Variants in TTC8 observed in about 807,000 individuals in gnomAD.
The protein encoded by TTC8 is tetratricopeptide repeat protein 8.
Under a neutral mutation model 72.5 loss-of-function variants are expected in TTC8, and 47 were observed. The ratio of observed to expected loss-of-function variants is 0.65; its 90% confidence interval spans 0.51 to 0.83. The LOEUF (loss-of-function observed/expected upper bound fraction) is 0.83, where lower values mean the gene tolerates loss of function less well. Among genes scored for constraint, TTC8 ranks in the 40% least tolerant of loss-of-function variants. The pLI is 0.00. For missense variants in TTC8, 611 were observed against 623.2 expected (o/e 0.98, Z 0.21); for synonymous variants, 199 against 221.4 (o/e 0.90, Z 0.90).
intron 2 of TTC8, among the ~76,000 whole-genome samples, chr14:88,837,279 TCTAG>T (rs942197069): frequency 1.3e-5 from 2 of 152,168 alleles, no homozygotes; most frequent in African/African-American, 4.8e-5. Context: ...CCATAGGCTC[TCTAG>T]CTAGCCTGCC....
At chr14:88,869,755 C>T (rs1307826194) in intron 10 of TTC8, among the ~76,000 whole-genome samples, 2 of 152,174 alleles carry the variant, frequency 1.3e-5, no homozygotes, top group African/African-American at 4.8e-5. Context: ...AAAGTGGCCC[C>T]TTCCGCCACC....
intron 10 of TTC8, among the ~76,000 whole-genome samples, chr14:88,867,402 CTG>C (rs2094915077): frequency 6.6e-6 from 1 of 152,032 alleles, no homozygotes; most frequent in African/African-American, 2.4e-5. Context: ...AGTCAAGACA[CTG>C]AGAGTGAAAA....
At chr14:88,852,831 C>T (rs187127730) in intron 7 of TTC8, 140 bp from the exon 8 acceptor site, 13 of 731,312 alleles carry the variant, frequency 1.8e-5, no homozygotes, top group Middle Eastern at 3.7e-4. Context: ...CATCTGGAAA[C>T]ATGAGCAACT....
chr14:88,852,738 A>G (rs973635710), intron 7 of TTC8, among the ~76,000 whole-genome samples: 2 of 152,144 alleles, frequency 1.3e-5, no homozygotes, highest in African/African-American at 4.8e-5. Context: ...TATATTATAC[A>G]TCTGCTTCCC....
At chr14:88,874,742 G>T (rs552448622) in intron 13 of TTC8, among the ~76,000 whole-genome samples, 3 of 152,130 alleles carry the variant, frequency 2.0e-5, no homozygotes, top group African/African-American at 7.2e-5. Flanking sequence ...TGAGAACATT[G>T]GTTCCCAAAT....
At position 88,871,617 on chromosome 14, in the gene TTC8, C is replaced by G. The variant is rs768465465; in HGVS notation, c.1118C>G (p.Ala373Gly). Residue 373 changes from alanine (A) to glycine (G), a missense_variant, in exon 12 of 15, where the codon GCC (alanine) becomes GGC (glycine). Ala to Gly is a moderately conservative substitution (Grantham distance 60, BLOSUM62 0). Transcript: ENST00000380656. This position sits in a 1 kb window ranked among gnomAD's most constrained non-coding sequence, Gnocchi z 4.1. ...FNNLGLCCFY[A>G]QQYDMTLTSF... ...AATCTGGGGCTGTGTTGCTTCTATGCCCAGCAGTATGATATGACTCTGACC... is the reference window on the plus strand; with the variant it reads ...AATCTGGGGCTGTGTTGCTTCTATGGCCAGCAGTATGATATGACTCTGACC... 3 of 1,613,932 alleles carry G rather than the reference C, an allele frequency of 1.9e-6. No homozygotes were observed. Among genetic ancestry groups the G allele is most frequent in the South Asian group, 1.1e-5 (1 of 91,082 alleles).
intron 10 of TTC8, 150 bp downstream of exon 10, chr14:88,861,482 C>T (rs1379528728): frequency 1.6e-6 from 1 of 609,522 alleles, no homozygotes; most frequent in Non-Finnish European, 2.9e-6. Flanking sequence ...TTTATCTTTT[C>T]TTTGTTTTGG....
chr14:88,862,541 CATAT>C (rs71130022), intron 10 of TTC8, among the ~76,000 whole-genome samples: 265 of 23,738 alleles, frequency 0.011, 4 homozygotes, highest in Non-Finnish European at 0.015. Context: ...TCTCTCTCTC[CATAT>C]ATATATATAT....
intron 9 of TTC8, among the ~76,000 whole-genome samples, chr14:88,860,230 T>C (rs2094879294): frequency 6.6e-6 from 1 of 151,970 alleles, no homozygotes; most frequent in South Asian, 2.1e-4. Context: ...ATAAATACTT[T>C]AGTTTTCTAT....
chr14:88,857,431 A>C (rs957383453), intron 9 of TTC8, among the ~76,000 whole-genome samples, 154 bp downstream of exon 9: 2 of 152,194 alleles, frequency 1.3e-5, no homozygotes, highest in African/African-American at 4.8e-5. Flanking sequence ...AAGGGAAAAA[A>C]TGAGAACGTA....
chr14:88,840,733 C>T, intron 3 of TTC8, 132 bp from the exon 4 acceptor site: 1 of 848,436 alleles, frequency 1.2e-6, no homozygotes, highest in Non-Finnish European at 2.0e-6. Flanking sequence ...TAAAACACAT[C>T]TCCCTAAAAT....
intron 7 of TTC8, among the ~76,000 whole-genome samples, chr14:88,845,492 T>C (rs2094802094): frequency 6.6e-6 from 1 of 152,152 alleles, no homozygotes; most frequent in South Asian, 2.1e-4. Context: ...GTGGTGTTCA[T>C]AGATGTGGTT....
intron 12 of TTC8, 81 bp from the exon 13 acceptor site, chr14:88,872,249 A>G: frequency 6.3e-7 from 1 of 1,586,722 alleles, no homozygotes; most frequent in Non-Finnish European, 8.6e-7. Context: ...TTTGTCTGGT[A>G]GCAGAAGAGA....
intron 1 of TTC8, among the ~76,000 whole-genome samples, chr14:88,827,942 A>C (rs2094708919): frequency 6.6e-6 from 1 of 152,152 alleles, no homozygotes; most frequent in Non-Finnish European, 1.5e-5. Flanking sequence ...AGTCAGGCAC[A>C]CAGGGGCTTT....
Position 88,871,963 on chromosome 14 carries a change from G to T in TTC8, c.1224+240G>T, listed in dbSNP as rs1442334004. Among the ~76,000 whole-genome samples the T allele has an allele frequency of 2.6e-5, 4 of 152,142 alleles. No individual in the cohort carries two copies. The South Asian group carries it at 6.2e-4, about 24-fold the overall frequency. On this transcript the variant is annotated intron_variant, in intron 12 of 14. Coordinates refer to ENST00000380656, the MANE Select transcript of TTC8 (RefSeq NM_144596.4). The surrounding 1 kb of genome is among the most constrained non-coding windows in gnomAD (Gnocchi z 4.1). ...GCTACTCTGAGGGCTGAGGCAGGAA[G>T]ATCACTTGGGCCTAGAAGGTCAAGG...
At chr14:88,868,679 T>A (rs1378297835) in intron 10 of TTC8, among the ~76,000 whole-genome samples, 1 of 152,186 alleles carries the variant, frequency 6.6e-6, no homozygotes, top group African/African-American at 2.4e-5. Flanking sequence ...CATGTAGTTG[T>A]CATAGTCTGT....
chr14:88,843,723 A>G (rs993957307), intron 6 of TTC8, 83 bp from the exon 7 acceptor site: 41 of 969,554 alleles, frequency 4.2e-5, no homozygotes, highest in Admixed American at 9.9e-5. Flanking sequence ...TTTTATCTAT[A>G]AATCCAGGGC....
chr14:88,877,224 T>G (rs1234334474), intron 14 of TTC8, 70 bp from the exon 15 acceptor site: 2 of 1,200,914 alleles, frequency 1.7e-6, no homozygotes, highest in Non-Finnish European at 2.5e-6. Flanking sequence ...TATGTCTTAT[T>G]TTCTTTTTTA....
chr14:88,863,725 G>C, intron 10 of TTC8, among the ~76,000 whole-genome samples: 1 of 152,078 alleles, frequency 6.6e-6, no homozygotes, highest in East Asian at 1.9e-4. Flanking sequence ...TTTCTATGCA[G>C]GTGTATTCCT....
Sources: gnomAD v4.1 joint callset for allele counts (sites outside exome capture counted in the v4.1 genomes callset) on GRCh38, gnomAD v4.1.1 for gene constraint, Gnocchi (gnomAD v3.1) non-coding constraint, MANE v1.5 for transcripts, NCBI Gene and HGNC (gene_info 2026-07-23, HGNC 2026-07-21) for gene names.